Variants in NUP62CL observed in about 807,000 individuals in gnomAD.
NUP62CL encodes the protein nucleoporin 62 C-terminal like.
Under a neutral mutation model 15.3 loss-of-function variants are expected in NUP62CL, and 13 were observed. The ratio of observed to expected loss-of-function variants is 0.85; its 90% CI spans 0.55 to 1.35. The LOEUF (loss-of-function observed/expected upper bound fraction) is 1.35. NUP62CL is among the 40% of genes most tolerant of loss of function. The probability of loss-of-function intolerance (pLI) is 0.00; values close to 1 mark genes in which losing one functional copy is unlikely to be tolerated. For missense variants in NUP62CL, 123 were observed against 130.6 expected, an observed-to-expected ratio of 0.94 and a Z score of 0.28; for synonymous variants, 54 against 49.2, an observed-to-expected ratio of 1.10 and a Z score of -0.41.
At chrX:107,156,482 G>A (rs1261362223) in intron 4 of NUP62CL, among the ~76,000 whole-genome samples, 4 of 106,370 alleles carry the variant, frequency 3.8e-5, no homozygotes, top group African/African-American at 6.9e-5. Context: ...CCTGATCCCC[G>A]AGCAGCCTAA....
intron 2 of NUP62CL, among the ~76,000 whole-genome samples, chrX:107,190,790 G>A (rs1927218056): frequency 1.8e-5 from 2 of 110,427 alleles, no homozygotes. Context: ...TTCTACAAAT[G>A]CTGTTGGCTG....
At chrX:107,189,370 A>G (rs1927150307) in intron 2 of NUP62CL, among the ~76,000 whole-genome samples, 1 of 111,714 alleles carries the variant, frequency 9.0e-6, no homozygotes, top group Non-Finnish European at 1.9e-5. Context: ...TGTTCATAGC[A>G]GCTTTATTCA....
intron 2 of NUP62CL, among the ~76,000 whole-genome samples, chrX:107,184,091 CT>C (rs1156892835): frequency 2.7e-4 from 30 of 109,546 alleles, no homozygotes; most frequent in African/African-American, 7.3e-4. Context: ...CCTCCCCCCC[CT>C]CCACCAGAAC....
At chrX:107,175,840 A>G in intron 2 of NUP62CL, among the ~76,000 whole-genome samples, 1 of 111,280 alleles carries the variant, frequency 9.0e-6, no homozygotes, top group Non-Finnish European at 1.9e-5. Flanking sequence ...CTTCCAACAC[A>G]GAGTTGAAGG....
chrX:107,162,318 TA>T (rs911212755), intron 4 of NUP62CL, among the ~76,000 whole-genome samples: 5 of 109,163 alleles, frequency 4.6e-5, no homozygotes, highest in African/African-American at 6.6e-5. Flanking sequence ...AAAACGTATT[TA>T]AAAAAAAAGA....
chrX:107,125,008 C>T (rs1461857718), intron 8 of NUP62CL, among the ~76,000 whole-genome samples: 3 of 111,426 alleles, frequency 2.7e-5, no homozygotes, highest in Admixed American at 1.9e-4. Context: ...AAAATTTAAA[C>T]GATATACAGT....
At chrX:107,172,295 C>T (rs1344042922) in intron 3 of NUP62CL, among the ~76,000 whole-genome samples, 2 of 110,228 alleles carry the variant, frequency 1.8e-5, no homozygotes. Context: ...CGCCACTGCA[C>T]TCTAACCTGG....
At chrX:107,126,060 C>T (rs1925376876) in intron 8 of NUP62CL, among the ~76,000 whole-genome samples, 1 of 111,663 alleles carries the variant, frequency 9.0e-6, no homozygotes, top group Non-Finnish European at 1.9e-5. Context: ...TTAAATATGG[C>T]ATACACATAT....
At chrX:107,171,286 A>G (rs1024388275) in intron 3 of NUP62CL, among the ~76,000 whole-genome samples, 7 of 111,670 alleles carry the variant, frequency 6.3e-5, no homozygotes, top group African/African-American at 1.6e-4. Flanking sequence ...AAAACACCCC[A>G]AATTGGGGCT....
At chrX:107,146,773 A>G (rs759952278) in intron 8 of NUP62CL, among the ~76,000 whole-genome samples, 13 of 111,475 alleles carry the variant, frequency 1.2e-4, no homozygotes, top group African/African-American at 3.9e-4. Context: ...TTCAAGCACA[A>G]TCTTGTGCCC....
Position 107,124,282 on chromosome X carries a change from G to A in NUP62CL, c.*93C>T, listed in dbSNP as rs751571251. Reference sequence around the variant, plus strand: ...ACATTGTGTGCATGCTCCTCGTGACGATAATCCTCGAAAACCCGTGTTACC... The same window carrying A: ...ACATTGTGTGCATGCTCCTCGTGACAATAATCCTCGAAAACCCGTGTTACC... On this transcript the variant is annotated 3_prime_UTR_variant, in exon 9 of 9. Transcript: ENST00000372466. The A allele has an allele frequency of 2.3e-5, 8 of 341,559 alleles. No homozygotes were observed. Among genetic ancestry groups the A allele is most frequent in the South Asian group, 1.6e-4 (6 of 38,217 alleles). 28.1% of individuals were successfully genotyped at this position (341,559 alleles called of 1,213,427 possible).
intron 8 of NUP62CL, among the ~76,000 whole-genome samples, chrX:107,136,873 C>G (rs893077104): frequency 1.3e-4 from 14 of 111,288 alleles, no homozygotes; most frequent in African/African-American, 4.6e-4. Flanking sequence ...TCGAGAGCAG[C>G]CTGACCAACA....
chrX:107,203,445 T>C (rs111352311), intron 1 of NUP62CL, among the ~76,000 whole-genome samples: 1,673 of 109,527 alleles, frequency 0.015, 16 homozygotes, highest in Non-Finnish European at 0.024. Context: ...GGGGGTTCAC[T>C]GTGTTACCCA....
chrX:107,189,876 G>GA (rs755658364), intron 2 of NUP62CL, among the ~76,000 whole-genome samples: 11 of 47,009 alleles, frequency 2.3e-4, no homozygotes, highest in South Asian at 1.2e-3. Context: ...GAAAAAGAAA[G>GA]AAAAGAAAGA....
chrX:107,150,154 T>G (rs1231335129), intron 7 of NUP62CL, among the ~76,000 whole-genome samples: 1 of 111,831 alleles, frequency 8.9e-6, no homozygotes, highest in East Asian at 2.8e-4. Context: ...AACCATAAAT[T>G]AAGGATTGCC....
chrX:107,124,293 A>T lies in NUP62CL; in HGVS notation c.*82T>A, dbSNP rs1925335182. On this transcript the variant is annotated 3_prime_UTR_variant, in exon 9 of 9. Transcript: ENST00000372466. ...ATGCTCCTCGTGACGATAATCCTCG[A>T]AAACCCGTGTTACCACTTCTACCTT... 1 of 340,225 alleles carries T rather than the reference A, an allele frequency of 2.9e-6. No homozygotes were observed. Among genetic ancestry groups the T allele is most frequent in the South Asian group, 2.6e-5 (1 of 38,068 alleles). 28.0% of individuals were successfully genotyped at this position (340,225 alleles called of 1,213,427 possible). A position where few individuals can be genotyped will look rare whatever the true frequency, so the allele number is the denominator to read the frequency against.
chrX:107,179,740 C>T (rs776740232), intron 2 of NUP62CL, among the ~76,000 whole-genome samples: 51 of 111,880 alleles, frequency 4.6e-4, no homozygotes, highest in African/African-American at 1.1e-3. Context: ...AGATACCCAG[C>T]GTGGAATTGC....
rs750905160 is a variant in NUP62CL at position 107,175,194 on chromosome X, C to T, written c.-47-1G>A. On this transcript the variant is annotated splice_acceptor_variant, in intron 2 of 8. Transcript: ENST00000372466. LOFTEE classifies it low-confidence loss of function (5UTR_SPLICE). ...GCAACAGCAGCTGCTGGAGCCAAAC[C>T]TAAAAATCAAAGTAACAAACAGAAA... The T allele has an allele frequency of 5.2e-6, 5 of 962,239 alleles. No homozygotes were observed. In the Admixed American group the frequency reaches 1.4e-4, roughly 26 times the overall value. 79.3% of individuals were successfully genotyped at this position (962,239 alleles called of 1,213,427 possible).
At position 107,206,313 on chromosome X, in the gene NUP62CL, CTAT is replaced by C. The variant is rs2147823043; in HGVS notation, c.-135_-133del. The C allele has an allele frequency of 9.0e-6, 1 of 111,221 alleles. No homozygotes were observed. The highest frequency in any genetic ancestry group is 4.0e-4 in the South Asian group (1 of 2,501). The allele number at this position is 111,221 out of a possible 1,213,427, so 9.2% of individuals were successfully genotyped here. On this transcript the variant is annotated 5_prime_UTR_variant, in exon 1 of 9. Transcript: ENST00000372466. ...CCGCCGCTCGCTGTCCGGCCCTGAA[CTAT>C]ACGGGCAGGCCTCCGAGACTGCTAG...
Sources: gnomAD v4.1 joint callset for allele counts (sites outside exome capture counted in the v4.1 genomes callset) on GRCh38, gnomAD v4.1.1 for gene constraint, MANE v1.5 for transcripts, NCBI Gene and HGNC (gene_info 2026-07-23, HGNC 2026-07-21) for gene names.